The following OXNAD1 variants were observed in gnomAD, a reference collection of about 807,000 sequenced individuals.
OXNAD1 encodes oxidoreductase NAD binding domain containing 1.
In OXNAD1, 34 loss-of-function variants were observed where a neutral mutation model predicts 32.9. The observed-to-expected ratio is 1.03, with a 90% CI of 0.79 to 1.38. The LOEUF (loss-of-function observed/expected upper bound fraction) is 1.38. Among genes scored for constraint, OXNAD1 ranks in the 40% most tolerant of loss-of-function variants. The pLI, the probability that OXNAD1 is intolerant of heterozygous loss-of-function variation, is 0.00. For synonymous variants in OXNAD1, 134 were observed against 135.2 expected (o/e 0.99, Z 0.06); for missense variants, 407 against 379.4 (o/e 1.07, Z -0.60).
intron 4 of OXNAD1, chr3:16,274,942 C>T (rs2065214583): frequency 1.3e-5 from 2 of 152,206 alleles, no homozygotes. Flanking sequence ...CATTAGAGCA[C>T]TCTCATAGTT....
chr3:16,324,450 C>T (rs1316502867), intron 9 of OXNAD1, among the ~76,000 whole-genome samples: 1 of 152,164 alleles, frequency 6.6e-6, no homozygotes, highest in Non-Finnish European at 1.5e-5. Context: ...CCCCACTCCC[C>T]AGCCTCTGGT....
At chr3:16,350,487 A>G (rs1022741020), downstream of OXNAD1, among the ~76,000 whole-genome samples, 66 of 137,638 alleles carry the variant, frequency 4.8e-4, 1 homozygote, top group Non-Finnish European at 7.7e-4. Flanking sequence ...AGCTGAGATG[A>G]ATCACTTTTT....
chr3:16,346,567 C>T lies in OXNAD1; in HGVS notation c.*31-2609C>T, dbSNP rs565846687. 6 of 152,298 alleles carry T rather than the reference C, an allele frequency of 3.9e-5. No individual in the cohort carries two copies. The East Asian group carries it at 7.7e-4, about 20-fold the overall frequency. 9.4% of individuals were successfully genotyped at this position (152,298 alleles called of 1,614,324 possible). A position where few individuals can be genotyped will look rare whatever the true frequency, so the allele number is the denominator to read the frequency against. On this transcript the variant is annotated intron_variant, in intron 9 of 9. Transcript: ENST00000606098. The surrounding 1 kb of genome is among the most constrained non-coding windows in gnomAD (Gnocchi z 4.4). ...TTGGCTGCCAAAGCCAACAGCCCCT[C>T]GATGGCCCAGGGCTTCTTCCTCACT...
At chr3:16,323,872 G>A (rs866990871) in intron 9 of OXNAD1, among the ~76,000 whole-genome samples, 2 of 152,212 alleles carry the variant, frequency 1.3e-5, no homozygotes. Context: ...ACAGGACAGT[G>A]GACAGAGGTC....
chr3:16,275,819 T>G (rs1448287436), intron 4 of OXNAD1: 1 of 158,012 alleles, frequency 6.3e-6, no homozygotes, highest in Non-Finnish European at 1.5e-5. Context: ...TTGTAAAATT[T>G]GGATTAGCAA....
At chr3:16,270,150 A>C (rs1392189107) in intron 2 of OXNAD1, among the ~76,000 whole-genome samples, 1 of 152,250 alleles carries the variant, frequency 6.6e-6, no homozygotes, top group African/African-American at 2.4e-5. Context: ...ATACCCATGC[A>C]ATCCGCACCC....
Position 16,290,829 on chromosome 3 carries a change from G to A in OXNAD1, c.291-4027G>A, listed in dbSNP as rs2066381633. The stretch of plus-strand genomic sequence containing the variant: ...AGACTGCAGGAGAATATTTTTTTAA[G>A]GTCATAGATCAGATTAGAGAACATC... On this transcript the variant is annotated intron_variant, in intron 5 of 8. Coordinates refer to ENST00000285083, the MANE Select transcript of OXNAD1 (RefSeq NM_138381.5). This position sits in a 1 kb window ranked among gnomAD's most constrained non-coding sequence, Gnocchi z 4.2. Among the ~76,000 whole-genome samples the A allele has an allele frequency of 6.6e-6, 1 of 152,162 alleles. No individual in the cohort carries two copies. Among genetic ancestry groups the A allele is most frequent in the Non-Finnish European group, 1.5e-5 (1 of 68,026 alleles).
intron 9 of OXNAD1, among the ~76,000 whole-genome samples, chr3:16,313,863 A>G (rs1183982948): frequency 7.2e-5 from 11 of 152,134 alleles, no homozygotes; most frequent in Admixed American, 5.9e-4. Context: ...CCTTGTGGCT[A>G]TATGCACTTC....
chr3:16,330,333 C>T (rs1055816834), intron 9 of OXNAD1, among the ~76,000 whole-genome samples: 3 of 152,188 alleles, frequency 2.0e-5, no homozygotes, highest in Non-Finnish European at 2.9e-5. Flanking sequence ...TCTATCACAG[C>T]CCGTTTGCAT....
At position 16,317,185 on chromosome 3, in the gene OXNAD1, C is replaced by T. The variant is rs2068497319; in HGVS notation, c.*30+13593C>T. The T allele has an allele frequency of 1.2e-6, 2 of 1,613,316 alleles. No individual in the cohort carries two copies. The highest frequency in any genetic ancestry group is 1.3e-5 in the African/African-American group (1 of 74,770). ...TGGCACTGAGTTTACCTTTTGATTT[C>T]CTCATCTGCCTGTTGTGCATTTCTT... On this transcript the variant is annotated intron_variant, in intron 9 of 9. Transcript: ENST00000435829. The surrounding 1 kb of genome is among the most constrained non-coding windows in gnomAD (Gnocchi z 4.3).
intron 4 of OXNAD1, among the ~76,000 whole-genome samples, chr3:16,274,549 A>G (rs900239776): frequency 1.3e-5 from 2 of 152,266 alleles, no homozygotes; most frequent in Non-Finnish European, 2.9e-5. Context: ...AACTTCTAGT[A>G]TTATGAAAGT....
chr3:16,316,640 G>A lies in OXNAD1; in HGVS notation c.*30+13048G>A, dbSNP rs948508912. The A allele has an allele frequency of 7.3e-6, 5 of 686,398 alleles. No individual in the cohort carries two copies. In the African/African-American group the frequency reaches 8.9e-5, roughly 12 times the overall value. The allele number at this position is 686,398 out of a possible 1,614,324, so 42.5% of individuals were successfully genotyped here. ...GGTCATTAATGACACCTTTCCAGTG[G>A]ATGTGCAAAAACCAACACTGTCAGG... On this transcript the variant is annotated intron_variant, in intron 9 of 9. Coordinates refer to the OXNAD1 transcript ENST00000435829. This position sits in a 1 kb window ranked among gnomAD's most constrained non-coding sequence, Gnocchi z 4.5.
At chr3:16,309,013 C>T (rs2125119039), downstream of OXNAD1, among the ~76,000 whole-genome samples, 1 of 152,252 alleles carries the variant, frequency 6.6e-6, no homozygotes, top group South Asian at 2.1e-4. Context: ...TCTTCTCCCC[C>T]ATCCTATTCC....
intron 9 of OXNAD1, among the ~76,000 whole-genome samples, chr3:16,324,306 C>A (rs1194347451): frequency 1.3e-5 from 2 of 152,148 alleles, no homozygotes; most frequent in Non-Finnish European, 1.5e-5. Context: ...AAAAGCTACT[C>A]TTTTAGGAAC....
chr3:16,342,491 A>G lies in OXNAD1; in HGVS notation c.*31-6685A>G, dbSNP rs150263795. Among the ~76,000 whole-genome samples the G allele has an allele frequency of 1.6e-4, 24 of 152,356 alleles. No homozygotes were observed. Among genetic ancestry groups the G allele is most frequent in the African/African-American group, 5.8e-4 (24 of 41,580 alleles). ...CATTACAAATAAAGCTGCCATCAACATTAATGTACATAGGTCTTTATGTGG... is the reference window on the plus strand; with the variant it reads ...CATTACAAATAAAGCTGCCATCAACGTTAATGTACATAGGTCTTTATGTGG... On this transcript the variant is annotated intron_variant, in intron 9 of 9. Transcript: ENST00000606098. This position sits in a 1 kb window ranked among gnomAD's most constrained non-coding sequence, Gnocchi z 4.0.
In OXNAD1 at chr3:16,271,345, A is replaced by G; in HGVS notation, c.119+274A>G. 1 of 531,916 alleles carries G rather than the reference A, an allele frequency of 1.9e-6. No individual in the cohort carries two copies. The highest frequency in any genetic ancestry group is 3.6e-5 in the Admixed American group (1 of 27,882). The allele number at this position is 531,916 out of a possible 1,614,324, so 32.9% of individuals were successfully genotyped here. On this transcript the variant is annotated intron_variant, in intron 3 of 8. Transcript: ENST00000285083. The surrounding 1 kb of genome is among the most constrained non-coding windows in gnomAD (Gnocchi z 4.6). ...TAGCCTCCCGAGTAGCTGGGATTAC[A>G]GGCGTGCACCACCACACCTAGCTAA...
rs1441065189 is a variant in OXNAD1 at position 16,317,506 on chromosome 3, T to C, written c.*30+13914T>C. 6.6e-6 allele frequency among the ~76,000 whole-genome samples: 1 copy of C among 152,160 alleles called. No homozygotes were observed. The highest frequency in any genetic ancestry group is 1.5e-5 in the Non-Finnish European group (1 of 68,022). ...GCAGTATTTCTTTTGACTGGCTCTA[T>C]ACCAAAGGCCCACATAGGAAAGGGC... On this transcript the variant is annotated intron_variant, in intron 9 of 9. Transcript: ENST00000435829. This position sits in a 1 kb window ranked among gnomAD's most constrained non-coding sequence, Gnocchi z 4.3.
At chr3:16,349,881 C>G (rs1305779605) in exon 10 of OXNAD1, 1 of 152,096 alleles carries the variant, frequency 6.6e-6, no homozygotes, top group African/African-American at 2.4e-5. Context: ...GCTGGATATT[C>G]CAGCAGGAGT....
At chr3:16,324,593 T>A (rs2069468319) in intron 9 of OXNAD1, among the ~76,000 whole-genome samples, 1 of 141,436 alleles carries the variant, frequency 7.1e-6, no homozygotes, top group Non-Finnish European at 1.5e-5. Flanking sequence ...ATCCTTGTAA[T>A]AAATAACAGA....
Sources: allele counts gnomAD v4.1 joint callset (sites outside exome capture counted in the v4.1 genomes callset), GRCh38; gene constraint gnomAD v4.1.1; non-coding constraint Gnocchi (gnomAD v3.1); transcripts MANE v1.5; gene names NCBI Gene and HGNC (gene_info 2026-07-23, HGNC 2026-07-21).